Variants in PSMB2 observed in about 807,000 individuals in gnomAD.
PSMB2 encodes the protein proteasome 20S subunit beta 2.
A neutral mutation model predicts 25.7 loss-of-function variants in PSMB2; 13 were observed. The ratio of observed to expected loss-of-function variants is 0.51; its 90% CI spans 0.33 to 0.80. The LOEUF is 0.80. PSMB2 is among the 30% of genes least tolerant of loss of function. The probability of loss-of-function intolerance (pLI) is 0.02; values close to 1 mark genes in which losing one functional copy is unlikely to be tolerated. For synonymous variants in PSMB2, 87 were observed against 96.2 expected, an observed-to-expected ratio of 0.90 and a Z score of 0.56; for missense variants, 202 against 259.0, an observed-to-expected ratio of 0.78 and a Z score of 1.51.
intron 2 of PSMB2, among the ~76,000 whole-genome samples, chr1:35,634,361 C>T (rs757480578): frequency 2.0e-5 from 3 of 149,696 alleles, no homozygotes; most frequent in East Asian, 2.3e-4. Flanking sequence ...GGTTTTTTGA[C>T]GCTGAGATTC....
chr1:35,602,887 ATTTAAG>A lies in PSMB2; in HGVS notation c.*374_*379del. On this transcript the variant is annotated 3_prime_UTR_variant, in exon 6 of 6. Coordinates refer to ENST00000373237, the MANE Select transcript of PSMB2 (RefSeq NM_002794.5). ...TTAATTCAGGTTAATTAATTTAAAA[ATTTAAG>A]TTTAAGGGCAAAAAGAACCACTACT... The A allele has an allele frequency of 1.0e-6, 1 of 966,490 alleles. No homozygotes were observed. The highest frequency in any genetic ancestry group is 1.8e-5 in the African/African-American group (1 of 56,742). 59.9% of individuals were successfully genotyped at this position (966,490 alleles called of 1,614,324 possible).
At chr1:35,630,661 A>C (rs1377493015) in intron 3 of PSMB2, among the ~76,000 whole-genome samples, 1 of 152,244 alleles carries the variant, frequency 6.6e-6, no homozygotes, top group Non-Finnish European at 1.5e-5. Context: ...AAGTAAAAAG[A>C]TGAGTGGTTG....
intron 1 of PSMB2, among the ~76,000 whole-genome samples, chr1:35,638,186 C>T (rs1486494828): frequency 6.6e-6 from 1 of 152,100 alleles, no homozygotes; most frequent in Admixed American, 6.6e-5. Flanking sequence ...TTTTTAAACA[C>T]TGAATATGTC....
chr1:35,611,483 T>C (rs996002168), intron 3 of PSMB2, among the ~76,000 whole-genome samples: 14 of 152,236 alleles, frequency 9.2e-5, no homozygotes, highest in Non-Finnish European at 2.1e-4. Flanking sequence ...GCTACGACTA[T>C]AGGCACCTAC....
In PSMB2 at chr1:35,601,173, T is replaced by A; in HGVS notation, c.*2094A>T. ...CCTCCCTCTCCCGGGCTCAAGCAAT[T>A]CTCCTGCCTCAGCCTCCCAAGTAGT... On this transcript the variant is annotated 3_prime_UTR_variant, in exon 6 of 6. Transcript: ENST00000373237. 1.5e-6 allele frequency: 1 copy of A among 677,808 alleles called. No homozygotes were observed. The highest frequency in any genetic ancestry group is 1.8e-6 in the Non-Finnish European group (1 of 553,570). The allele number at this position is 677,808 out of a possible 1,614,324, so 42.0% of individuals were successfully genotyped here.
chr1:35,612,781 T>C (rs928733044), intron 3 of PSMB2, among the ~76,000 whole-genome samples: 1 of 152,222 alleles, frequency 6.6e-6, no homozygotes, highest in African/African-American at 2.4e-5. Context: ...GCCAAGACAA[T>C]TTCATCAAGT....
At chr1:35,638,620 T>A (rs546730301) in intron 1 of PSMB2, among the ~76,000 whole-genome samples, 1 of 152,332 alleles carries the variant, frequency 6.6e-6, no homozygotes, top group East Asian at 1.9e-4. Context: ...ATAATGTAGT[T>A]CGGATTATAC....
chr1:35,639,557 G>A (rs879920838), intron 1 of PSMB2, among the ~76,000 whole-genome samples: 5 of 151,970 alleles, frequency 3.3e-5, no homozygotes, highest in Admixed American at 6.5e-5. Flanking sequence ...TTTTCTTAAT[G>A]TCTTGGACTC....
chr1:35,610,012 A>G (rs992827094), intron 3 of PSMB2, among the ~76,000 whole-genome samples: 1 of 152,242 alleles, frequency 6.6e-6, no homozygotes, highest in Non-Finnish European at 1.5e-5. Context: ...TGTTGAAACC[A>G]ACGAACAATT....
At chr1:35,612,396 T>G (rs1001905320) in intron 3 of PSMB2, among the ~76,000 whole-genome samples, 1 of 152,140 alleles carries the variant, frequency 6.6e-6, no homozygotes, top group Non-Finnish European at 1.5e-5. Context: ...ACCCAAACTC[T>G]GGAAGAAAAG....
chr1:35,624,214 A>C (rs1650780872), intron 3 of PSMB2, among the ~76,000 whole-genome samples: 1 of 152,238 alleles, frequency 6.6e-6, no homozygotes, highest in African/African-American at 2.4e-5. Flanking sequence ...TGTGGTCTTG[A>C]CATAAGATTT....
At chr1:35,619,785 T>C (rs76143803) in intron 3 of PSMB2, among the ~76,000 whole-genome samples, 2,792 of 152,310 alleles carry the variant, frequency 0.018, 98 homozygotes, top group African/African-American at 0.063. Context: ...TGAGTTGAAA[T>C]GCAACATGGC....
At chr1:35,633,073 T>C (rs1411628165) in intron 2 of PSMB2, among the ~76,000 whole-genome samples, 2 of 151,704 alleles carry the variant, frequency 1.3e-5, no homozygotes, top group African/African-American at 4.8e-5. Context: ...TACAAAAAAT[T>C]AGCCAGGCAT....
At chr1:35,622,453 C>T (rs1001052683) in intron 3 of PSMB2, among the ~76,000 whole-genome samples, 2 of 152,116 alleles carry the variant, frequency 1.3e-5, no homozygotes, top group Admixed American at 6.5e-5. Flanking sequence ...AGGCTTAAAC[C>T]AAACCTTAAT....
intron 3 of PSMB2, among the ~76,000 whole-genome samples, chr1:35,624,991 G>A (rs1650809856): frequency 2.0e-5 from 3 of 151,886 alleles, no homozygotes; most frequent in African/African-American, 7.3e-5. Flanking sequence ...AAACTGGAAG[G>A]TGGAGGTTGC....
chr1:35,628,631 A>ATATATATTTTTTTTT (rs1202256440), intron 3 of PSMB2, among the ~76,000 whole-genome samples: 1 of 38,080 alleles, frequency 2.6e-5, no homozygotes, highest in African/African-American at 1.3e-4. Context: ...ATATATATAT[A>ATATATATTTTTTTTT]TTTTTTTTTT....
intron 1 of PSMB2, among the ~76,000 whole-genome samples, chr1:35,638,719 A>G (rs1213828607): frequency 6.6e-6 from 1 of 152,206 alleles, no homozygotes; most frequent in Non-Finnish European, 1.5e-5. Context: ...GCCAAGAGAA[A>G]AGAGACATGA....
Position 35,631,341 on chromosome 1 carries a change from T to C in PSMB2, c.218A>G (p.Tyr73Cys), listed in dbSNP as rs1651090113. The C allele has an allele frequency of 6.2e-7, 1 of 1,614,104 alleles. No homozygotes were observed. The highest frequency in any genetic ancestry group is 1.1e-5 in the South Asian group (1 of 91,076). ...NVQLYKMRNG[Y>C]ELSPTAAANF... is the part of the protein sequence containing the mutation. ...AGCTGCTGCCGTGGGAGACAATTCA[T>C]ATCCTGGTAGAAGAGATAAAGAGTC... Residue 73 changes from tyrosine (Y) to cysteine (C), a missense_variant, in exon 3 of 6, where the codon TAT becomes TGT. Coordinates refer to ENST00000373237, the MANE Select transcript of PSMB2 (RefSeq NM_002794.5).
chr1:35,600,999 T>G lies in PSMB2; in HGVS notation c.*2268A>C. The G allele has an allele frequency of 1.0e-6, 1 of 984,670 alleles. No homozygotes were observed. Among genetic ancestry groups the G allele is most frequent in the Non-Finnish European group, 1.2e-6 (1 of 829,880 alleles). The allele number at this position is 984,670 out of a possible 1,614,324, so 61.0% of individuals were successfully genotyped here. A position where few individuals can be genotyped will look rare whatever the true frequency, so the allele number is the denominator to read the frequency against. On this transcript the variant is annotated 3_prime_UTR_variant, in exon 6 of 6. Transcript: ENST00000373237. ...CAGATGGGAAAATCATGTAGCAGGA[T>G]AGTCTGTGCTTTAGTAGCAGCACTC...
Sources: gnomAD v4.1 joint callset for allele counts (sites outside exome capture counted in the v4.1 genomes callset) on GRCh38, gnomAD v4.1.1 for gene constraint, MANE v1.5 for transcripts, NCBI Gene and HGNC (gene_info 2026-07-23, HGNC 2026-07-21) for gene names.